WWC1: variants seen among roughly 807,000 people sequenced by gnomAD.
WWC1 encodes the protein protein KIBRA.
WWC1 carries 55 observed loss-of-function variants against 138.4 expected under a neutral mutation model. That is an observed-to-expected ratio of 0.40 (90% CI 0.32 to 0.50). The LOEUF (loss-of-function observed/expected upper bound fraction) is 0.50. Among genes scored for constraint, WWC1 ranks in the 20% least tolerant of loss-of-function variants. The pLI is 0.72. For missense variants in WWC1, 1,226 were observed against 1,420.4 expected, an observed-to-expected ratio of 0.86 and a Z score of 2.20; for synonymous variants, 524 against 564.9, an observed-to-expected ratio of 0.93 and a Z score of 1.03.
At chr5:168,357,448 CTGTGTGTGTGTGTGTGTG>C (rs67198550) in intron 1 of WWC1, among the ~76,000 whole-genome samples, 20 of 134,470 alleles carry the variant, frequency 1.5e-4, no homozygotes, top group South Asian at 7.6e-4. Context: ...AACCTGCCTT[CTGTGTGTGTGTGTGTGTG>C]TGTGTGTGTG....
At chr5:168,425,586 G>T (rs1204477853) in intron 11 of WWC1, among the ~76,000 whole-genome samples, 1 of 151,456 alleles carries the variant, frequency 6.6e-6, no homozygotes. Flanking sequence ...CCACCTCCTG[G>T]GTTCAAGCGA....
chr5:168,406,423 A>G (rs1779798738), intron 6 of WWC1, 96 bp downstream of exon 6: 2 of 1,523,800 alleles, frequency 1.3e-6, no homozygotes, highest in Non-Finnish European at 1.8e-6. Flanking sequence ...TGGTACACAC[A>G]TCACTGAGTT....
chr5:168,323,408 C>T (rs929051150), intron 1 of WWC1, among the ~76,000 whole-genome samples: 5 of 151,848 alleles, frequency 3.3e-5, no homozygotes, highest in African/African-American at 9.7e-5. Flanking sequence ...ATTAGCCAGG[C>T]GTGGGGTATG....
intron 3 of WWC1, among the ~76,000 whole-genome samples, chr5:168,397,098 C>T (rs1193543838): frequency 3.3e-5 from 5 of 151,300 alleles, no homozygotes; most frequent in Non-Finnish European, 7.4e-5. Flanking sequence ...TCTTAAAATG[C>T]ATATGTGTGT....
At chr5:168,344,950 T>C (rs80198490) in intron 1 of WWC1, among the ~76,000 whole-genome samples, 2,736 of 152,286 alleles carry the variant, frequency 0.018, 86 homozygotes, top group African/African-American at 0.062. Flanking sequence ...TTTTGTGTAA[T>C]TATTTGGAGA....
intron 1 of WWC1, among the ~76,000 whole-genome samples, chr5:168,346,547 G>A (rs968600493): frequency 3.9e-5 from 6 of 152,180 alleles, no homozygotes; most frequent in East Asian, 1.9e-4. Flanking sequence ...CTTAGTAGGC[G>A]TGCCTGAAAT....
chr5:168,382,257 C>A (rs762278730), intron 2 of WWC1, among the ~76,000 whole-genome samples: 4 of 152,118 alleles, frequency 2.6e-5, no homozygotes, highest in Non-Finnish European at 5.9e-5. Flanking sequence ...ATGGCATGGT[C>A]CATGTTGCAT....
chr5:168,390,862 G>A (rs948779190), intron 3 of WWC1, among the ~76,000 whole-genome samples: 1 of 152,212 alleles, frequency 6.6e-6, no homozygotes, highest in Non-Finnish European at 1.5e-5. Flanking sequence ...TTGTGTGCCT[G>A]GAGGGCAATA....
At chr5:168,375,285 AG>A (rs1253928827) in intron 2 of WWC1, among the ~76,000 whole-genome samples, 1 of 152,172 alleles carries the variant, frequency 6.6e-6, no homozygotes, top group African/African-American at 2.4e-5. Context: ...AATGATTCTG[AG>A]AAAGAGTGAT....
rs138460625 is a variant in WWC1, at chr5:168,310,911, G to A, written c.119+18640G>A. Among the ~76,000 whole-genome samples the A allele has an allele frequency of 2.9e-3, 447 of 152,022 alleles. 1 individual carries two copies. The highest frequency in any genetic ancestry group is 0.01 in the African/African-American group (421 of 41,468). ...TTGGTGTGAATTTCCTAAGAAATAA[G>A]GTTGTTCTCTTACATAACCACACTA... On this transcript the variant is annotated intron_variant, in intron 1 of 22. Coordinates refer to ENST00000265293, the MANE Select transcript of WWC1 (RefSeq NM_015238.3).
In WWC1 at chr5:168,428,838, T is replaced by C. The variant is rs775332737; in HGVS notation, c.2000+51T>C. On this transcript the variant is annotated intron_variant, in intron 13 of 22. Coordinates refer to ENST00000265293, the MANE Select transcript of WWC1 (RefSeq NM_015238.3). ...GAAGGAACGGTCTGTGTGGGGTCCC[T>C]TCTTCATCCACAGCGTTCCCCAGCA... 4.4e-6 allele frequency: 7 copies of C among 1,594,026 alleles called. No individual in the cohort carries two copies. In the Admixed American group the frequency reaches 1.2e-4, roughly 27 times the overall value.
intron 4 of WWC1, among the ~76,000 whole-genome samples, chr5:168,398,708 A>G (rs962562131): frequency 1.3e-5 from 2 of 152,202 alleles, no homozygotes; most frequent in African/African-American, 4.8e-5. Flanking sequence ...ACAAACTCAG[A>G]TGCCTGCAAG....
At chr5:168,441,953 G>A (rs1754813101) in intron 16 of WWC1, 119 bp downstream of exon 16, 2 of 1,386,432 alleles carry the variant, frequency 1.4e-6, no homozygotes, top group African/African-American at 2.9e-5. Flanking sequence ...TGGGGTGGAG[G>A]AAGTAGGAGA....
At chr5:168,327,111 A>G (rs1020850366) in intron 1 of WWC1, among the ~76,000 whole-genome samples, 25 of 152,162 alleles carry the variant, frequency 1.6e-4, no homozygotes, top group African/African-American at 5.8e-4. Context: ...TGTTGCAACT[A>G]CTTTTGGAAT....
chr5:168,415,820 GTGTGT>G, intron 9 of WWC1: 2 of 75,724 alleles, frequency 2.6e-5, no homozygotes, highest in Non-Finnish European at 5.0e-5. Context: ...GGGGGCGTGT[GTGTGT>G]GTGTGTGTGT....
At chr5:168,384,902 AGACG>A (rs755123805) in intron 2 of WWC1, among the ~76,000 whole-genome samples, 36 of 151,746 alleles carry the variant, frequency 2.4e-4, no homozygotes, top group African/African-American at 8.2e-4. Context: ...TTTTTAGTAG[AGACG>A]GAGTTTTACC....
At chr5:168,438,246 T>C (rs1178804009) in intron 15 of WWC1, among the ~76,000 whole-genome samples, 1 of 152,172 alleles carries the variant, frequency 6.6e-6, no homozygotes, top group African/African-American at 2.4e-5. Flanking sequence ...TGATGAATTG[T>C]AGCCCCCATA....
intron 1 of WWC1, among the ~76,000 whole-genome samples, chr5:168,342,858 G>A (rs773424135): frequency 4.2e-4 from 64 of 152,206 alleles, no homozygotes; most frequent in Non-Finnish European, 6.8e-4. Flanking sequence ...TGAGAGCACA[G>A]TGGGGGCCCC....
chr5:168,301,267 G>A lies in WWC1; in HGVS notation c.119+8996G>A, dbSNP rs140978360. On this transcript the variant is annotated intron_variant, in intron 1 of 22. Coordinates refer to ENST00000265293, the MANE Select transcript of WWC1 (RefSeq NM_015238.3). ...TGGGATTGCATACCACACGATTCAC[G>A]ATTCCCTGTAGTAGATAAGCTCTCC... Among the ~76,000 whole-genome samples, 218 of 152,298 alleles carry A rather than the reference G, an allele frequency of 1.4e-3. 1 individual carries two copies. Among genetic ancestry groups the A allele is most frequent in the African/African-American group, 5.0e-3 (209 of 41,562 alleles).
Sources: allele counts gnomAD v4.1 joint callset (sites outside exome capture counted in the v4.1 genomes callset), GRCh38; gene constraint gnomAD v4.1.1; transcripts MANE v1.5; gene names NCBI Gene and HGNC (gene_info 2026-07-23, HGNC 2026-07-21).